The following MDGA2 variants were observed in gnomAD, a reference collection of about 807,000 sequenced individuals.
MDGA2 encodes MAM domain-containing glycosylphosphatidylinositol anchor protein 2.
MDGA2 carries 40 observed loss-of-function variants against 117.8 expected under a neutral mutation model. The ratio of observed to expected loss-of-function variants is 0.34; its 90% CI spans 0.26 to 0.44. The LOEUF (loss-of-function observed/expected upper bound fraction) is 0.44. Ranked by LOEUF, MDGA2 falls within the 20% of genes least tolerant of loss-of-function variation. MDGA2 has a pLI of 1.00. For synonymous variants in MDGA2, 452 were observed against 439.0 expected (o/e 1.03, Z -0.37); for missense variants, 1,123 against 1,250.6 (o/e 0.90, Z 1.54).
chr14:47,046,904 G>A (rs538590829), intron 7 of MDGA2, among the ~76,000 whole-genome samples: 11 of 152,102 alleles, frequency 7.2e-5, no homozygotes, highest in Admixed American at 2.6e-4. Context: ...ACACAAATGC[G>A]TTATCCTTTA....
intron 7 of MDGA2, among the ~76,000 whole-genome samples, chr14:47,038,295 C>T (rs1273135963): frequency 1.3e-5 from 2 of 151,978 alleles, no homozygotes; most frequent in Non-Finnish European, 2.9e-5. Flanking sequence ...GTTCTGATTA[C>T]AAGAATGAAT....
intron 2 of MDGA2, among the ~76,000 whole-genome samples, chr14:47,253,203 T>A (rs1887505418): frequency 6.6e-6 from 1 of 152,110 alleles, no homozygotes; most frequent in Admixed American, 6.5e-5. Context: ...AAATCTCATG[T>A]CCTCACATTT....
At chr14:46,871,917 G>A (rs545948142) in intron 14 of MDGA2, 7 of 403,206 alleles carry the variant, frequency 1.7e-5, no homozygotes, top group Admixed American at 7.2e-5. Context: ...AGAGGCGAAG[G>A]TGGGAAGATT....
chr14:47,158,570 TC>T (rs1883505084), intron 3 of MDGA2, among the ~76,000 whole-genome samples: 1 of 150,340 alleles, frequency 6.7e-6, no homozygotes, highest in African/African-American at 2.4e-5. Context: ...AACCTCTGCC[TC>T]CTGTTCAAGT....
intron 3 of MDGA2, among the ~76,000 whole-genome samples, chr14:47,201,279 T>A (rs1414223955): frequency 6.6e-6 from 1 of 152,172 alleles, no homozygotes; most frequent in African/African-American, 2.4e-5. Context: ...CCATCCTCAC[T>A]AACTCCATAT....
chr14:47,048,580 G>A (rs547819506), intron 7 of MDGA2, among the ~76,000 whole-genome samples: 3 of 152,110 alleles, frequency 2.0e-5, no homozygotes, highest in African/African-American at 7.2e-5. Flanking sequence ...ACCACTGATT[G>A]TATACCACTG....
At chr14:47,037,571 T>G (rs1299708459) in intron 7 of MDGA2, among the ~76,000 whole-genome samples, 1 of 152,206 alleles carries the variant, frequency 6.6e-6, no homozygotes, top group African/African-American at 2.4e-5. Context: ...GAGATGAATG[T>G]GAGGGAGTAT....
intron 1 of MDGA2, among the ~76,000 whole-genome samples, chr14:47,637,119 C>G (rs1897337631): frequency 6.6e-6 from 1 of 151,920 alleles, no homozygotes; most frequent in South Asian, 2.1e-4. Context: ...TTTATGAGAC[C>G]CGCTATTTTA....
intron 2 of MDGA2, among the ~76,000 whole-genome samples, chr14:47,255,254 G>C (rs914688506): frequency 6.6e-6 from 1 of 152,220 alleles, no homozygotes; most frequent in African/African-American, 2.4e-5. Flanking sequence ...GCAAAGCGTG[G>C]TAGTATGAAG....
At chr14:47,277,962 G>T (rs1888358176) in intron 2 of MDGA2, among the ~76,000 whole-genome samples, 1 of 152,060 alleles carries the variant, frequency 6.6e-6, no homozygotes, top group Non-Finnish European at 1.5e-5. Flanking sequence ...GCAAAAAACA[G>T]GCAAGGGATT....
chr14:47,071,528 A>G (rs1432811285), intron 6 of MDGA2, among the ~76,000 whole-genome samples: 2 of 152,118 alleles, frequency 1.3e-5, no homozygotes, highest in Non-Finnish European at 2.9e-5. Flanking sequence ...TATTTTTAAA[A>G]TACATACTAT....
At chr14:47,064,135 A>T (rs187324640) in intron 6 of MDGA2, among the ~76,000 whole-genome samples, 1 of 152,184 alleles carries the variant, frequency 6.6e-6, no homozygotes, top group Non-Finnish European at 1.5e-5. Flanking sequence ...ACATAAGATT[A>T]TATGTAATAT....
intron 10 of MDGA2, among the ~76,000 whole-genome samples, chr14:46,900,090 T>C (rs950845413): frequency 8.5e-5 from 13 of 152,098 alleles, no homozygotes; most frequent in African/African-American, 2.9e-4. Context: ...CTGAAGAAGA[T>C]ATACAGATGG....
In MDGA2 at chr14:47,350,156, A is replaced by C. The variant is rs75673848; in HGVS notation, c.281-48606T>G. Reference sequence around the variant, plus strand: ...GTTAACTTTACTACTCCCCCAGGACAGAATCTGCCTTCTTTTAAACAGTCA... The same window carrying C: ...GTTAACTTTACTACTCCCCCAGGACCGAATCTGCCTTCTTTTAAACAGTCA... On this transcript the variant is annotated intron_variant, in intron 1 of 16. Coordinates refer to ENST00000399232, the MANE Select transcript of MDGA2 (RefSeq NM_001113498.3). Among the ~76,000 whole-genome samples the C allele has an allele frequency of 9.1e-4, 138 of 152,330 alleles. 1 individual carries two copies. The highest frequency in any genetic ancestry group is 3.3e-3 in the South Asian group (16 of 4,816).
intron 1 of MDGA2, among the ~76,000 whole-genome samples, chr14:47,558,030 C>T (rs1895717618): frequency 6.6e-6 from 1 of 152,072 alleles, no homozygotes. Context: ...AAATATGAGT[C>T]ATCATGACTT....
intron 1 of MDGA2, among the ~76,000 whole-genome samples, chr14:47,364,458 G>C (rs1211293195): frequency 1.3e-5 from 2 of 152,074 alleles, no homozygotes; most frequent in African/African-American, 2.4e-5. Flanking sequence ...TAGAGACGGG[G>C]TTTCACCGTG....
At chr14:47,575,357 T>C (rs1896096812) in intron 1 of MDGA2, among the ~76,000 whole-genome samples, 1 of 152,154 alleles carries the variant, frequency 6.6e-6, no homozygotes, top group African/African-American at 2.4e-5. Flanking sequence ...AAAAATCTGG[T>C]CCCATTATCT....
intron 2 of MDGA2, among the ~76,000 whole-genome samples, chr14:47,261,654 G>A (rs930971976): frequency 1.3e-5 from 2 of 152,050 alleles, no homozygotes; most frequent in African/African-American, 4.8e-5. Flanking sequence ...TTCAAGAAAG[G>A]TTTTTCCTCT....
At chr14:46,858,236 A>G (rs1452623382) in intron 14 of MDGA2, among the ~76,000 whole-genome samples, 1 of 149,876 alleles carries the variant, frequency 6.7e-6, no homozygotes, top group East Asian at 2.0e-4. Context: ...CACCCAGTAA[A>G]TTTTTTTGTT....
Sources: allele counts gnomAD v4.1 joint callset (sites outside exome capture counted in the v4.1 genomes callset), GRCh38; gene constraint gnomAD v4.1.1; transcripts MANE v1.5; gene names NCBI Gene and HGNC (gene_info 2026-07-23, HGNC 2026-07-21).